The following DNAH1 variants were observed in gnomAD, a reference collection of about 807,000 sequenced individuals.
The protein encoded by DNAH1 is axonemal beta dynein heavy chain 1.
A neutral mutation model predicts 484.3 loss-of-function variants in DNAH1; 327 were observed. The ratio of observed to expected loss-of-function variants is 0.68; its 90% CI spans 0.62 to 0.74. DNAH1 has a LOEUF of 0.74. DNAH1 is among the 30% of genes least tolerant of loss of function. The pLI, the probability that DNAH1 is intolerant of heterozygous loss-of-function variation, is 0.00. For synonymous variants in DNAH1, 2,192 were observed against 2,191.9 expected (o/e 1.00, Z 0.00); for missense variants, 5,052 against 5,546.8 (o/e 0.91, Z 2.83).
chr3:52,345,741 A>G (rs1702116505), intron 10 of DNAH1, 35 bp downstream of exon 10: 1 of 1,588,290 alleles, frequency 6.3e-7, no homozygotes, highest in Non-Finnish European at 8.6e-7. Flanking sequence ...GGGCAAACGC[A>G]GGGCAGACCC....
At chr3:52,315,148 C>T (rs572653166), upstream of DNAH1, among the ~76,000 whole-genome samples, 31 of 152,222 alleles carry the variant, frequency 2.0e-4, no homozygotes, top group African/African-American at 7.2e-4. Flanking sequence ...TAGACCTCAC[C>T]CATTCCCTTC....
At chr3:52,326,447 C>G in intron 4 of DNAH1, 133 bp downstream of exon 4, 2 of 1,201,528 alleles carry the variant, frequency 1.7e-6, no homozygotes, top group Non-Finnish European at 2.3e-6. Flanking sequence ...ATCGAATCTT[C>G]TAGCCCTTTG....
intron 4 of DNAH1, 118 bp downstream of exon 4, chr3:52,326,432 T>A: frequency 7.9e-7 from 1 of 1,265,462 alleles, no homozygotes; most frequent in Non-Finnish European, 1.1e-6. Flanking sequence ...TGCACAAGTG[T>A]TTAGATCGAA....
intron 1 of DNAH1, among the ~76,000 whole-genome samples, chr3:52,321,993 C>T (rs922533599): frequency 2.0e-5 from 3 of 152,120 alleles, no homozygotes; most frequent in African/African-American, 7.2e-5. Context: ...CTGCTACTGG[C>T]TGAAAGTCAT....
intron 1 of DNAH1, among the ~76,000 whole-genome samples, chr3:52,319,553 A>G (rs1247797007): frequency 2.0e-5 from 3 of 152,230 alleles, no homozygotes; most frequent in African/African-American, 7.2e-5. Flanking sequence ...CACCCCTGCC[A>G]TCTCACTGGC....
At position 52,361,706 on chromosome 3, in the gene DNAH1, C is replaced by T. The variant is rs750922244; in HGVS notation, c.4920C>T (p.Ile1640=). Residue 1640 remains isoleucine, a synonymous_variant, in exon 30 of 78, where the codon ATC becomes ATT. Transcript: ENST00000420323. The surrounding 1 kb of genome is among the most constrained non-coding windows in gnomAD (Gnocchi z 5.6). ...ACFDEFNRID[I]EVLSVVAQQI... is the part of the protein sequence containing the mutation. ...TCGACGAGTTCAATCGCATCGACAT[C>T]GAGGTGCTGTCTGTGGTGGCGCAGC... The T allele has an allele frequency of 9.3e-6, 15 of 1,611,514 alleles. No individual in the cohort carries two copies. Among genetic ancestry groups the T allele is most frequent in the East Asian group, 6.7e-5 (3 of 44,804 alleles).
intron 46 of DNAH1, among the ~76,000 whole-genome samples, chr3:52,376,382 G>A (rs1037364323): frequency 1.8e-4 from 28 of 152,218 alleles, no homozygotes; most frequent in African/African-American, 5.1e-4. Context: ...GCCCGTCGTC[G>A]CGGCAAGGCG....
intron 66 of DNAH1, among the ~76,000 whole-genome samples, chr3:52,393,830 T>C (rs757571283): frequency 2.6e-4 from 39 of 152,150 alleles, no homozygotes; most frequent in Non-Finnish European, 5.0e-4. Flanking sequence ...ACCCAGAAGG[T>C]GGAGGTTGCA....
intron 74 of DNAH1, 37 bp downstream of exon 74, chr3:52,397,914 C>G (rs372157391): frequency 1.3e-6 from 2 of 1,576,886 alleles, no homozygotes; most frequent in African/African-American, 2.7e-5. Flanking sequence ...AAGGGCTGGA[C>G]GGGCTGGGCT....
rs749893018 is a variant in DNAH1 at position 52,364,872 on chromosome 3, C to T, written c.5371C>T (p.Pro1791Ser). The T allele has an allele frequency of 1.9e-6, 3 of 1,613,970 alleles. No individual in the cohort carries two copies. Among genetic ancestry groups the T allele is most frequent in the Admixed American group, 3.3e-5 (2 of 60,020 alleles). Residue 1791 changes from proline (P) to serine (S), a missense_variant, in exon 34 of 78, where the codon CCC (proline) becomes TCC (serine). Physicochemically the swap from Pro to Ser is moderately conservative, Grantham distance 74. This residue lies in a region of DNAH1 where 2,929 missense variants were observed against 3,409.4 expected (regional missense o/e 0.86). Transcript: ENST00000420323. This position sits in a 1 kb window ranked among gnomAD's most constrained non-coding sequence, Gnocchi z 4.2. ...CCGGGCCATCCGTGATGTGAACGTG[C>T]CCAAGTTCCTGCAGGAGGACCTCAA... ...CLRAIRDVNV[P>S]KFLQEDLKLF...
chr3:52,373,054 G>T lies in DNAH1; in HGVS notation c.6985+1G>T. The stretch of plus-strand genomic sequence containing the variant: ...GGCTGGTACGACCGCAAGATCATTG[G>T]TGAGTGTGGCCGGCCTGGCTCACAG... On this transcript the variant is annotated splice_donor_variant, in intron 44 of 77. Coordinates refer to ENST00000420323, the MANE Select transcript of DNAH1 (RefSeq NM_015512.5). LOFTEE classifies it high-confidence loss of function. 6.2e-7 allele frequency: 1 copy of T among 1,609,470 alleles called. No individual in the cohort carries two copies. The highest frequency in any genetic ancestry group is 2.2e-5 in the East Asian group (1 of 44,794).
chr3:52,381,554 G>T lies in DNAH1; in HGVS notation c.7609-86G>T. ...GCACCTGTGCTTCTCAGTCAGGACA[G>T]AGAAGAAAGCGGGTGGGTGGGGGGA... On this transcript the variant is annotated intron_variant, in intron 48 of 77. Transcript: ENST00000420323. The surrounding 1 kb of genome is among the most constrained non-coding windows in gnomAD (Gnocchi z 4.1). 1 of 1,333,834 alleles carries T rather than the reference G, an allele frequency of 7.5e-7. No individual in the cohort carries two copies. Among genetic ancestry groups the T allele is most frequent in the South Asian group, 1.4e-5 (1 of 69,130 alleles). The allele number at this position is 1,333,834 out of a possible 1,614,324, so 82.6% of individuals were successfully genotyped here. A position where few individuals can be genotyped will look rare whatever the true frequency, so the allele number is the denominator to read the frequency against.
At chr3:52,326,451 C>T in intron 4 of DNAH1, 137 bp downstream of exon 4, 1 of 1,167,816 alleles carries the variant, frequency 8.6e-7, no homozygotes, top group Non-Finnish European at 1.2e-6. Context: ...AATCTTCTAG[C>T]CCTTTGGTGT....
intron 27 of DNAH1, 54 bp downstream of exon 27, chr3:52,360,133 G>A: frequency 6.2e-7 from 1 of 1,609,864 alleles, no homozygotes; most frequent in South Asian, 1.1e-5. Context: ...GAAGGGGCAG[G>A]GGAAAAGAGA....
intron 11 of DNAH1, 116 bp downstream of exon 11, chr3:52,346,886 G>A: frequency 8.5e-7 from 1 of 1,179,060 alleles, no homozygotes; most frequent in Non-Finnish European, 1.2e-6. Context: ...GTCCCAGGCA[G>A]TAAGGAGAGC....
At position 52,386,174 on chromosome 3, in the gene DNAH1, C is replaced by T. The variant is rs760234205; in HGVS notation, c.8640C>T (p.Ile2880=). The stretch of plus-strand genomic sequence containing the variant: ...CCCATCCCCAGGTGGATACGGCCAT[C>T]GCCGAGGAGACCCGGAATTCAGTGC... ...TMEQIKVDTA[I]AEETRNSVQT... The change falls in exon 55 of 78, where the codon ATC becomes ATT. Residue 2880 remains isoleucine, a synonymous_variant. Transcript: ENST00000420323. 9.9e-6 allele frequency: 16 copies of T among 1,612,960 alleles called. No homozygotes were observed. The Admixed American group carries it at 1.7e-4, about 17-fold the overall frequency.
intron 60 of DNAH1, 31 bp from the exon 61 acceptor site, chr3:52,390,904 C>G: frequency 6.4e-7 from 1 of 1,551,230 alleles, no homozygotes; most frequent in Non-Finnish European, 8.7e-7. Flanking sequence ...CAGGAAAGCT[C>G]TGACCCAGTC....
At chr3:52,344,991 C>T (rs950544917) in intron 9 of DNAH1, among the ~76,000 whole-genome samples, 1 of 152,162 alleles carries the variant, frequency 6.6e-6, no homozygotes, top group African/African-American at 2.4e-5. Flanking sequence ...AGAGAGGAGA[C>T]CGAGTCTCAG....
chr3:52,396,281 C>T, intron 70 of DNAH1, 87 bp from the exon 71 acceptor site: 1 of 1,445,978 alleles, frequency 6.9e-7, no homozygotes, highest in Non-Finnish European at 9.3e-7. Context: ...CCTGACCCAC[C>T]TCAGGGTCCC....
Sources: allele counts gnomAD v4.1 joint callset (sites outside exome capture counted in the v4.1 genomes callset), GRCh38; gene constraint gnomAD v4.1.1; regional missense constraint gnomAD v4.1.1; non-coding constraint Gnocchi (gnomAD v3.1); transcripts MANE v1.5; gene names NCBI Gene and HGNC (gene_info 2026-07-23, HGNC 2026-07-21).